Variants in APOD observed in about 807,000 individuals in gnomAD.
APOD encodes apo-D.
A neutral mutation model predicts 20.4 loss-of-function variants in APOD; 22 were observed. The observed-to-expected ratio is 1.08, with a 90% CI of 0.77 to 1.54. The LOEUF is 1.54. APOD is among the 40% of genes most tolerant of loss of function. APOD has a pLI of 0.00. For synonymous variants in APOD, 97 were observed against 92.4 expected, an observed-to-expected ratio of 1.05 and a Z score of -0.29; for missense variants, 223 against 229.6, an observed-to-expected ratio of 0.97 and a Z score of 0.19.
chr3:195,574,520 G>A (rs548520298), intron 2 of APOD, among the ~76,000 whole-genome samples: 2 of 152,350 alleles, frequency 1.3e-5, no homozygotes, highest in East Asian at 3.9e-4. Context: ...ACTGTGTGGG[G>A]AAGGTCGAGG....
At chr3:195,583,785 A>T (rs1237277476) in intron 1 of APOD, 93 bp downstream of exon 1, 1 of 152,236 alleles carries the variant, frequency 6.6e-6, no homozygotes, top group African/African-American at 2.4e-5. Context: ...AGTGGTAGTT[A>T]TATGTAGCTG....
chr3:195,572,299 A>C (rs1435527705), intron 3 of APOD, among the ~76,000 whole-genome samples: 2 of 152,252 alleles, frequency 1.3e-5, no homozygotes, highest in African/African-American at 4.8e-5. Flanking sequence ...AATGTAGGCC[A>C]AGTAAAAGGA....
chr3:195,579,178 G>C (rs186067694), intron 2 of APOD, among the ~76,000 whole-genome samples, 161 bp downstream of exon 2: 13 of 152,288 alleles, frequency 8.5e-5, no homozygotes, highest in Admixed American at 8.5e-4. Flanking sequence ...TCTGCCTGCA[G>C]TCTTTATCTC....
intron 1 of APOD, among the ~76,000 whole-genome samples, chr3:195,581,706 T>C (rs1454118974): frequency 6.6e-6 from 1 of 152,216 alleles, no homozygotes; most frequent in Non-Finnish European, 1.5e-5. Flanking sequence ...CTGATGAGTC[T>C]CACCACCACA....
At position 195,579,428 on chromosome 3, in the gene APOD, C is replaced by A; in HGVS notation, c.34G>T (p.Ala12Ser). ...CCCTCTGCCGCACCGAAGAGGCCAG[C>A]CAGTGCGGAAAGCAGCAGCAGCAGC... ...VMLLLLLSAL[A>S]GLFGAAEGQA... The change falls in exon 2 of 5, where the codon GCT (alanine) becomes TCT (serine). Residue 12 changes from alanine to serine, a missense_variant. Physicochemically the swap from Ala to Ser is moderately conservative, Grantham distance 99. Transcript: ENST00000343267. The A allele has an allele frequency of 6.2e-7, 1 of 1,613,980 alleles. No homozygotes were observed. Among genetic ancestry groups the A allele is most frequent in the African/African-American group, 1.3e-5 (1 of 75,060 alleles).
rs1339718797 is a variant in APOD at position 195,571,126 on chromosome 3, C to T, written c.334+151G>A. On this transcript the variant is annotated intron_variant, in intron 4 of 4. Coordinates refer to ENST00000343267, the MANE Select transcript of APOD (RefSeq NM_001647.4). Reference sequence around the variant, plus strand: ...CCGGCTCATCATGGCAACCCTAGTGCGTGACATGTAGTAAGTGTTTGACAG... The same window carrying T: ...CCGGCTCATCATGGCAACCCTAGTGTGTGACATGTAGTAAGTGTTTGACAG... The T allele has an allele frequency of 9.6e-6, 7 of 728,712 alleles. No homozygotes were observed. The East Asian group carries it at 1.3e-4, about 14-fold the overall frequency. The allele number at this position is 728,712 out of a possible 1,614,324, so 45.1% of individuals were successfully genotyped here.
At chr3:195,578,923 C>A (rs1460036427) in intron 2 of APOD, among the ~76,000 whole-genome samples, 3 of 152,224 alleles carry the variant, frequency 2.0e-5, no homozygotes, top group African/African-American at 7.2e-5. Context: ...AGCCTCCCAC[C>A]TGAGACCCTG....
At chr3:195,571,029 A>G (rs1402626481) in intron 4 of APOD, 1 of 536,194 alleles carries the variant, frequency 1.9e-6, no homozygotes, top group Non-Finnish European at 3.4e-6. Context: ...AGCTAGTTAT[A>G]GTAAATTGCG....
At chr3:195,580,543 T>A (rs1016600499) in intron 1 of APOD, among the ~76,000 whole-genome samples, 4 of 152,100 alleles carry the variant, frequency 2.6e-5, no homozygotes, top group Non-Finnish European at 5.9e-5. Context: ...TAGCTGGGAT[T>A]ACAGGTGTCC....
intron 1 of APOD, among the ~76,000 whole-genome samples, chr3:195,582,301 T>A (rs1560047590): frequency 6.6e-6 from 1 of 152,228 alleles, no homozygotes; most frequent in African/African-American, 2.4e-5. Flanking sequence ...TACTCATTAC[T>A]TATTGAGCAT....
chr3:195,568,831 T>TGGTGG lies in APOD; in HGVS notation c.*68_*69insCCACC, dbSNP rs146445395. The TGGTGG allele has an allele frequency of 1.1e-6, 1 of 890,824 alleles. No homozygotes were observed. Among genetic ancestry groups the TGGTGG allele is most frequent in the African/African-American group, 2.5e-5 (1 of 40,160 alleles). The allele number at this position is 890,824 out of a possible 1,614,324, so 55.2% of individuals were successfully genotyped here. On this transcript the variant is annotated 3_prime_UTR_variant, in exon 5 of 5. Transcript: ENST00000343267. ...GTCGTGGTTGATTGGTTTGTCTTTA[T>TGGTGG]GGGGGGGGGGTAGGGGAAAGCGAAG... is the stretch of plus-strand genomic sequence containing the variant.
At position 195,569,096 on chromosome 3, in the gene APOD, T is replaced by G; in HGVS notation, c.374A>C (p.Tyr125Ser). Reference sequence around the variant, plus strand: ...GGAATACACGAGGGCATAGTTCTCATAGTCGGTGGCCAGGATCCAGTACGG... The same window carrying G: ...GGAATACACGAGGGCATAGTTCTCAGAGTCGGTGGCCAGGATCCAGTACGG... The part of the protein sequence containing the change: ...SAPYWILATD[Y>S]ENYALVYSCT... Residue 125 changes from tyrosine to serine, a missense_variant, in exon 5 of 5, where the codon TAT (tyrosine) becomes TCT (serine). Coordinates refer to ENST00000343267, the MANE Select transcript of APOD (RefSeq NM_001647.4). 6.2e-7 allele frequency: 1 copy of G among 1,614,126 alleles called. No homozygotes were observed. Among genetic ancestry groups the G allele is most frequent in the Non-Finnish European group, 8.5e-7 (1 of 1,180,020 alleles).
chr3:195,578,595 A>G (rs1720284929), intron 2 of APOD, among the ~76,000 whole-genome samples: 1 of 151,984 alleles, frequency 6.6e-6, no homozygotes, highest in Admixed American at 6.6e-5. Flanking sequence ...GCTAAACCCC[A>G]GGAAGAAAGA....
chr3:195,572,509 T>C (rs1293098273), intron 3 of APOD, among the ~76,000 whole-genome samples: 1 of 152,180 alleles, frequency 6.6e-6, no homozygotes, highest in Non-Finnish European at 1.5e-5. Context: ...TTTCACCTCT[T>C]TGAATGAGCC....
At chr3:195,578,784 G>T (rs1291390692) in intron 2 of APOD, among the ~76,000 whole-genome samples, 1 of 152,190 alleles carries the variant, frequency 6.6e-6, no homozygotes, top group African/African-American at 2.4e-5. Context: ...TGGGGAGGGA[G>T]ATTCCGATGC....
At chr3:195,574,829 C>G (rs1017364230) in intron 2 of APOD, among the ~76,000 whole-genome samples, 4 of 152,162 alleles carry the variant, frequency 2.6e-5, no homozygotes, top group African/African-American at 7.2e-5. Context: ...TTTACTTCCT[C>G]TTTCAAAAGA....
At chr3:195,581,382 C>T (rs866350401) in intron 1 of APOD, among the ~76,000 whole-genome samples, 1 of 152,244 alleles carries the variant, frequency 6.6e-6, no homozygotes, top group African/African-American at 2.4e-5. Context: ...TAAACCCACA[C>T]AAATTTGCAT....
chr3:195,581,218 G>C (rs1389365107), intron 1 of APOD, among the ~76,000 whole-genome samples: 2 of 152,190 alleles, frequency 1.3e-5, no homozygotes, highest in Non-Finnish European at 2.9e-5. Flanking sequence ...GGTTGCTGCA[G>C]GGGGAGATGG....
intron 2 of APOD, among the ~76,000 whole-genome samples, chr3:195,574,925 T>C (rs1451187933): frequency 6.6e-6 from 1 of 152,168 alleles, no homozygotes; most frequent in African/African-American, 2.4e-5. Context: ...TGTGTAAAAA[T>C]GGAGAAAATG....
Sources: gnomAD v4.1 joint callset for allele counts (sites outside exome capture counted in the v4.1 genomes callset) on GRCh38, gnomAD v4.1.1 for gene constraint, MANE v1.5 for transcripts, NCBI Gene and HGNC (gene_info 2026-07-23, HGNC 2026-07-21) for gene names.